Variants in PRKG1 observed in about 807,000 individuals in gnomAD.
PRKG1 encodes protein kinase cGMP-dependent 1.
A neutral mutation model predicts 88.1 loss-of-function variants in PRKG1; 35 were observed. That is an observed-to-expected ratio of 0.40 (90% confidence interval 0.30 to 0.53). The LOEUF is 0.53. Ranked by LOEUF, PRKG1 falls within the 20% of genes least tolerant of loss-of-function variation. The probability of loss-of-function intolerance (pLI) is 0.59; values close to 1 mark genes in which losing one functional copy is unlikely to be tolerated. For synonymous variants in PRKG1, 303 were observed against 292.5 expected (o/e 1.04, Z -0.37); for missense variants, 540 against 839.8 (o/e 0.64, Z 4.41).
At chr10:51,789,992 T>G (rs933858344) in intron 3 of PRKG1, among the ~76,000 whole-genome samples, 2 of 152,192 alleles carry the variant, frequency 1.3e-5, no homozygotes, top group Admixed American at 6.5e-5. Context: ...CAGCTAATTT[T>G]TCTATTTTTA....
chr10:51,821,592 C>G (rs1268558764), intron 4 of PRKG1, among the ~76,000 whole-genome samples: 2 of 151,832 alleles, frequency 1.3e-5, no homozygotes, highest in Admixed American at 6.6e-5. Context: ...AGTGTACACC[C>G]CATTAACAAT....
chr10:51,932,580 G>A (rs1244612385), intron 5 of PRKG1, among the ~76,000 whole-genome samples: 1 of 152,126 alleles, frequency 6.6e-6, no homozygotes, highest in Non-Finnish European at 1.5e-5. Context: ...TGCCCTCTAA[G>A]TGGACAGATG....
chr10:51,619,356 C>T (rs1423128301), intron 3 of PRKG1, among the ~76,000 whole-genome samples: 3 of 152,074 alleles, frequency 2.0e-5, no homozygotes, highest in African/African-American at 7.2e-5. Context: ...TATTAGCAGG[C>T]CCATTTTGCT....
intron 1 of PRKG1, among the ~76,000 whole-genome samples, chr10:51,142,526 T>G (rs571031642): frequency 2.0e-4 from 30 of 149,522 alleles, no homozygotes; most frequent in Admixed American, 1.1e-3. Flanking sequence ...GACACAGACA[T>G]AGAGAGAGAG....
At chr10:52,087,300 A>C (rs1846941394) in intron 7 of PRKG1, among the ~76,000 whole-genome samples, 2 of 152,278 alleles carry the variant, frequency 1.3e-5, no homozygotes, top group African/African-American at 2.4e-5. Flanking sequence ...TGAAATTGAT[A>C]ATTTAAAAAT....
chr10:51,848,765 T>C (rs929867492), intron 4 of PRKG1, among the ~76,000 whole-genome samples: 5 of 151,952 alleles, frequency 3.3e-5, no homozygotes, highest in Non-Finnish European at 5.9e-5. Context: ...ACTCAGTCTT[T>C]CAAAGTGCTG....
Position 51,767,221 on chromosome 10 carries a change from G to A in PRKG1, c.593-37364G>A, listed in dbSNP as rs543720430. Among the ~76,000 whole-genome samples the A allele has an allele frequency of 5.9e-5, 9 of 152,106 alleles. No homozygotes were observed. The South Asian group carries it at 1.5e-3, about 25-fold the overall frequency. On this transcript the variant is annotated intron_variant, in intron 3 of 17. Coordinates refer to ENST00000373980, the MANE Select transcript of PRKG1 (RefSeq NM_006258.4). ...CATATGCCAAGATTAGAAGATAGGC[G>A]GAGATTGGCGTAAATGCACATATAC...
intron 4 of PRKG1, among the ~76,000 whole-genome samples, chr10:51,821,043 G>A (rs549550133): frequency 6.6e-6 from 1 of 152,226 alleles, no homozygotes; most frequent in Admixed American, 6.5e-5. Flanking sequence ...CCACTATTCT[G>A]AGTTCTACCA....
At chr10:51,454,364 C>A (rs565207127) in intron 2 of PRKG1, among the ~76,000 whole-genome samples, 1 of 150,722 alleles carries the variant, frequency 6.6e-6, no homozygotes, top group Non-Finnish European at 1.5e-5. Flanking sequence ...GCTACAGTTA[C>A]CAAAATAGCA....
chr10:52,150,149 AAATAATAATAAT>A (rs67354776), intron 8 of PRKG1, among the ~76,000 whole-genome samples: 1 of 82,400 alleles, frequency 1.2e-5, no homozygotes, highest in Non-Finnish European at 3.1e-5. Context: ...CTCCATCTCA[AAATAATAATAAT>A]AATAATAATA....
intron 4 of PRKG1, among the ~76,000 whole-genome samples, chr10:51,863,366 G>A (rs1198260462): frequency 6.6e-6 from 1 of 152,172 alleles, no homozygotes; most frequent in Non-Finnish European, 1.5e-5. Flanking sequence ...CTTGTCACTT[G>A]TTGATGGTCT....
At chr10:51,501,403 C>A (rs907017713) in intron 3 of PRKG1, among the ~76,000 whole-genome samples, 1 of 152,076 alleles carries the variant, frequency 6.6e-6, no homozygotes, top group Non-Finnish European at 1.5e-5. Context: ...AAGGTTTCTG[C>A]GGGTATCTGC....
At chr10:51,417,030 T>C (rs1261742454) in intron 2 of PRKG1, among the ~76,000 whole-genome samples, 1 of 152,224 alleles carries the variant, frequency 6.6e-6, no homozygotes, top group Non-Finnish European at 1.5e-5. Flanking sequence ...CAGACCCCAG[T>C]GATTCACCAC....
At chr10:52,254,832 G>A (rs941203925) in intron 10 of PRKG1, among the ~76,000 whole-genome samples, 1 of 152,052 alleles carries the variant, frequency 6.6e-6, no homozygotes, top group Non-Finnish European at 1.5e-5. Context: ...AATGTGTTCA[G>A]TAAAGAGTCC....
At chr10:51,782,756 T>G (rs939079668) in intron 3 of PRKG1, among the ~76,000 whole-genome samples, 18 of 152,166 alleles carry the variant, frequency 1.2e-4, no homozygotes, top group African/African-American at 4.1e-4. Context: ...ATTCTGTCTT[T>G]GCCTGCTGCC....
At chr10:51,782,613 T>G (rs1040740970) in intron 3 of PRKG1, among the ~76,000 whole-genome samples, 1 of 152,078 alleles carries the variant, frequency 6.6e-6, no homozygotes, top group African/African-American at 2.4e-5. Context: ...ATAATTCCCA[T>G]GTGTTGTGGG....
At chr10:51,105,200 T>C (rs1004526602) in intron 1 of PRKG1, among the ~76,000 whole-genome samples, 4 of 152,228 alleles carry the variant, frequency 2.6e-5, no homozygotes, top group Non-Finnish European at 4.4e-5. Flanking sequence ...ATGTGTTGTG[T>C]TATATTTAAT....
intron 9 of PRKG1, among the ~76,000 whole-genome samples, chr10:52,187,397 A>G (rs1402355256): frequency 6.6e-6 from 1 of 151,902 alleles, no homozygotes; most frequent in Non-Finnish European, 1.5e-5. Context: ...AACACAAAAG[A>G]GATTTTAGGT....
intron 3 of PRKG1, among the ~76,000 whole-genome samples, chr10:51,723,054 T>A (rs1336347113): frequency 2.6e-5 from 4 of 152,228 alleles, no homozygotes; most frequent in African/African-American, 7.2e-5. Flanking sequence ...CTTCTTTTGT[T>A]ATTGAGAAAA....
Sources: allele counts gnomAD v4.1 joint callset (sites outside exome capture counted in the v4.1 genomes callset), GRCh38; gene constraint gnomAD v4.1.1; transcripts MANE v1.5; gene names NCBI Gene and HGNC (gene_info 2026-07-23, HGNC 2026-07-21).